CTNNA3: variants seen among roughly 807,000 people sequenced by gnomAD.
The protein encoded by CTNNA3 is catenin alpha-3.
A neutral mutation model predicts 95.7 loss-of-function variants in CTNNA3; 76 were observed. The observed-to-expected ratio is 0.79, with a 90% CI of 0.66 to 0.96. The LOEUF is 0.96. CTNNA3 is among the 40% of genes least tolerant of loss of function. CTNNA3 has a pLI of 0.00. For missense variants in CTNNA3, 1,191 were observed against 1,089.8 expected (o/e 1.09, Z -1.31); for synonymous variants, 431 against 374.4 (o/e 1.15, Z -1.74).
chr10:66,511,549 G>A (rs1354658172), intron 11 of CTNNA3, among the ~76,000 whole-genome samples: 1 of 150,126 alleles, frequency 6.7e-6, no homozygotes, highest in Admixed American at 6.6e-5. Flanking sequence ...TAGGTTTTTT[G>A]GTATGTCTTG....
intron 11 of CTNNA3, among the ~76,000 whole-genome samples, chr10:66,487,026 G>A (rs1012305824): frequency 6.6e-6 from 1 of 152,084 alleles, no homozygotes; most frequent in Non-Finnish European, 1.5e-5. Flanking sequence ...GAGTAGAACA[G>A]CGATTGCCAT....
At chr10:66,009,704 C>T (rs115555812) in intron 15 of CTNNA3, among the ~76,000 whole-genome samples, 1 of 152,228 alleles carries the variant, frequency 6.6e-6, no homozygotes, top group East Asian at 1.9e-4. Context: ...CTTACCCATA[C>T]CTCTTTTGAG....
chr10:66,481,291 G>T (rs1267425114), intron 11 of CTNNA3, among the ~76,000 whole-genome samples: 1 of 152,056 alleles, frequency 6.6e-6, no homozygotes, highest in African/African-American at 2.4e-5. Flanking sequence ...CCATTAATTT[G>T]ATTTGCTGTA....
chr10:67,416,817 A>G (rs1845562583), intron 5 of CTNNA3, among the ~76,000 whole-genome samples: 1 of 152,176 alleles, frequency 6.6e-6, no homozygotes, highest in East Asian at 1.9e-4. Flanking sequence ...GAGGCTGCAG[A>G]GAAAAGGAAA....
At chr10:65,965,688 A>G (rs965430408) in intron 17 of CTNNA3, among the ~76,000 whole-genome samples, 1 of 151,860 alleles carries the variant, frequency 6.6e-6, no homozygotes, top group Admixed American at 6.6e-5. Context: ...AAACACCGCA[A>G]CTGGCTCCTG....
At chr10:66,801,259 TTA>T (rs746559083) in intron 7 of CTNNA3, among the ~76,000 whole-genome samples, 195 of 151,406 alleles carry the variant, frequency 1.3e-3, no homozygotes, top group Middle Eastern at 3.4e-3. Flanking sequence ...CATCAAAGTA[TTA>T]TAACTAGTAA....
chr10:66,383,995 C>T (rs553048200), intron 11 of CTNNA3, among the ~76,000 whole-genome samples: 1 of 152,048 alleles, frequency 6.6e-6, no homozygotes, highest in Admixed American at 6.6e-5. Flanking sequence ...CAAAAACATG[C>T]CAAATTGTAA....
At chr10:66,808,722 C>T (rs976020592) in intron 7 of CTNNA3, among the ~76,000 whole-genome samples, 2 of 152,060 alleles carry the variant, frequency 1.3e-5, no homozygotes, top group African/African-American at 4.8e-5. Flanking sequence ...TATATGCTAC[C>T]AATCCAATAG....
At chr10:67,234,343 G>A (rs1388422587) in intron 5 of CTNNA3, among the ~76,000 whole-genome samples, 1 of 152,252 alleles carries the variant, frequency 6.6e-6, no homozygotes, top group Non-Finnish European at 1.5e-5. Flanking sequence ...TCCCTGGGAT[G>A]CAAAGCTGGT....
chr10:66,697,601 G>A (rs1243247465), intron 9 of CTNNA3, among the ~76,000 whole-genome samples: 1 of 152,098 alleles, frequency 6.6e-6, no homozygotes, highest in Admixed American at 6.6e-5. Flanking sequence ...AGAGTTGACA[G>A]TTTGGAATTG....
chr10:66,135,819 A>G (rs993242574), intron 13 of CTNNA3, among the ~76,000 whole-genome samples: 2 of 152,200 alleles, frequency 1.3e-5, no homozygotes, highest in African/African-American at 4.8e-5. Context: ...ATGTTTAACA[A>G]TTGACTCTAA....
At chr10:66,177,221 T>G (rs1380167026) in intron 13 of CTNNA3, among the ~76,000 whole-genome samples, 1 of 152,064 alleles carries the variant, frequency 6.6e-6, no homozygotes, top group Non-Finnish European at 1.5e-5. Context: ...AAATATACAT[T>G]TAAAAATCTG....
chr10:66,200,804 T>C (rs1443760427), intron 13 of CTNNA3, among the ~76,000 whole-genome samples: 2 of 152,234 alleles, frequency 1.3e-5, no homozygotes, highest in Non-Finnish European at 2.9e-5. Context: ...TAGCTAAAGC[T>C]TAGGCAATAT....
Position 67,195,914 on chromosome 10 carries a change from T to C in CTNNA3, c.844-15394A>G, listed in dbSNP as rs112429115. On this transcript the variant is annotated intron_variant, in intron 6 of 17. Coordinates refer to ENST00000433211, the MANE Select transcript of CTNNA3 (RefSeq NM_013266.4). ...TGATTTACACTGAAAATACTAAAAA[T>C]CTTACACCTATTCTCCAAAGTGAAA... is the stretch of plus-strand genomic sequence containing the variant. Among the ~76,000 whole-genome samples, 352 of 152,218 alleles carry C rather than the reference T, an allele frequency of 2.3e-3. 1 individual carries two copies. Among genetic ancestry groups the C allele is most frequent in the African/African-American group, 8.2e-3 (341 of 41,570 alleles).
chr10:66,097,197 T>C (rs1215292266), intron 14 of CTNNA3, among the ~76,000 whole-genome samples: 1 of 152,108 alleles, frequency 6.6e-6, no homozygotes, highest in African/African-American at 2.4e-5. Context: ...AGACTTCTGG[T>C]AGTAAAGTGT....
intron 9 of CTNNA3, among the ~76,000 whole-genome samples, chr10:66,669,939 T>C (rs554110984): frequency 5.3e-4 from 81 of 152,146 alleles, no homozygotes; most frequent in African/African-American, 1.9e-3. Flanking sequence ...GAAGGGGGGA[T>C]AAAAACAATT....
chr10:66,035,573 A>G (rs918676362), intron 15 of CTNNA3, among the ~76,000 whole-genome samples: 1 of 151,006 alleles, frequency 6.6e-6, no homozygotes, highest in Admixed American at 6.6e-5. Context: ...TAATAAATGT[A>G]TTATATTCTC....
intron 7 of CTNNA3, 101 bp from the exon 8 acceptor site, chr10:66,775,625 A>G (rs1667871280): frequency 1.3e-6 from 1 of 794,006 alleles, no homozygotes; most frequent in Non-Finnish European, 2.1e-6. Flanking sequence ...TTGAAATTCA[A>G]GAATAGGTTT....
intron 11 of CTNNA3, among the ~76,000 whole-genome samples, chr10:66,390,910 C>G: frequency 6.6e-6 from 1 of 152,104 alleles, no homozygotes; most frequent in East Asian, 1.9e-4. Context: ...ATCCTTTCTT[C>G]TGTCTCTTCT....
Sources: gnomAD v4.1 joint callset for allele counts (sites outside exome capture counted in the v4.1 genomes callset) on GRCh38, gnomAD v4.1.1 for gene constraint, MANE v1.5 for transcripts, NCBI Gene and HGNC (gene_info 2026-07-23, HGNC 2026-07-21) for gene names.